COL18A1: variants seen among roughly 807,000 people sequenced by gnomAD.
COL18A1 encodes collagen alpha-1(XVIII) chain.
A neutral mutation model predicts 168.0 loss-of-function variants in COL18A1; 133 were observed. The observed-to-expected ratio is 0.79, with a 90% CI of 0.69 to 0.91. The LOEUF is 0.91. COL18A1 is among the 40% of genes least tolerant of loss of function. The pLI, the probability that COL18A1 is intolerant of heterozygous loss-of-function variation, is 0.00. For missense variants in COL18A1, 2,126 were observed against 1,925.4 expected, an observed-to-expected ratio of 1.10 and a Z score of -1.95; for synonymous variants, 949 against 809.0, an observed-to-expected ratio of 1.17 and a Z score of -2.94.
intron 25 of COL18A1, 123 bp downstream of exon 25, chr21:45,493,348 G>C (rs1255240651): frequency 7.7e-7 from 1 of 1,293,720 alleles, no homozygotes; most frequent in African/African-American, 1.5e-5. Flanking sequence ...CACGTGAGGG[G>C]TACATCCCTG....
Position 45,456,242 on chromosome 21 carries a change from A to C in COL18A1, c.107-12000A>C, listed in dbSNP as rs189589098. 1.3e-3 allele frequency: 2,014 copies of C among 1,596,098 alleles called. 13 individuals carry two copies. In the African/African-American group the frequency reaches 0.02, roughly 16 times the overall value. ...CTGGGGAAGCCTGCAGGACCCAGAC[A>C]GCCAAGGACTCTCGCCCGCCGCAGC... On this transcript the variant is annotated intron_variant, in intron 2 of 41. Transcript: ENST00000651438.
chr21:45,407,612 A>T (rs550142791), intron 2 of COL18A1: 1 of 152,426 alleles, frequency 6.6e-6, no homozygotes, highest in South Asian at 2.1e-4. Flanking sequence ...CTTCAGAGTC[A>T]GAGTGGAGCT....
intron 29 of COL18A1, chr21:45,495,699 TAC>T (rs943149141): frequency 4.4e-5 from 19 of 435,906 alleles, no homozygotes; most frequent in South Asian, 6.1e-5. Flanking sequence ...TACATGCCCA[TAC>T]ACACGCGCAC....
intron 2 of COL18A1, among the ~76,000 whole-genome samples, chr21:45,421,848 G>A (rs2033634073): frequency 6.6e-6 from 1 of 152,108 alleles, no homozygotes; most frequent in African/African-American, 2.4e-5. Context: ...GGGTCCCCCA[G>A]GGCCAGTTGC....
intron 2 of COL18A1, among the ~76,000 whole-genome samples, chr21:45,426,653 G>A (rs375785447): frequency 2.6e-5 from 4 of 152,214 alleles, no homozygotes; most frequent in South Asian, 4.1e-4. Flanking sequence ...GGACAGCAGC[G>A]ACACTGCATG....
chr21:45,479,962 A>G lies in COL18A1; in HGVS notation c.1309A>G (p.Lys437Glu), dbSNP rs757399158. The G allele has an allele frequency of 8.1e-6, 13 of 1,613,628 alleles. No individual in the cohort carries two copies. The East Asian group carries it at 1.8e-4, about 22-fold the overall frequency. ...TPGDVGPKGD[K>E]GDPGVGERGP... ...AGGGGACGTAGGTCCCAAGGGCGAC[A>G]AGGTGAGTCTCCGTGGCTGGGTGGG... The change falls in exon 10 of 42, where the codon AAG (lysine) becomes GAG (glutamate). Residue 437 changes from lysine to glutamate, a missense_variant and splice_region_variant. Physicochemically the swap from Lys to Glu is moderately conservative, Grantham distance 56 (BLOSUM62 1). Coordinates refer to ENST00000651438, the MANE Select transcript of COL18A1 (RefSeq NM_001379500.1).
At position 45,502,233 on chromosome 21, in the gene COL18A1, C is replaced by G. The variant is rs79301680; in HGVS notation, c.2684-1778C>G. Reference sequence around the variant, plus strand: ...CCCTGGGGGTGTGGAGCCACGTGCTCCAAAGCTTCTGGGTTACAGGGCATG... The same window carrying G: ...CCCTGGGGGTGTGGAGCCACGTGCTGCAAAGCTTCTGGGTTACAGGGCATG... On this transcript the variant is annotated intron_variant, in intron 32 of 41. Coordinates refer to ENST00000651438, the MANE Select transcript of COL18A1 (RefSeq NM_001379500.1). Among the ~76,000 whole-genome samples, 4 of 152,316 alleles carry G rather than the reference C, an allele frequency of 2.6e-5. No homozygotes were observed. In the East Asian group the frequency reaches 7.7e-4, roughly 29 times the overall value.
At chr21:45,509,991 G>T in intron 39 of COL18A1, 73 bp from the exon 40 acceptor site, 1 of 1,498,750 alleles carries the variant, frequency 6.7e-7, no homozygotes, top group Admixed American at 2.0e-5. Flanking sequence ...TGCGGGGCCG[G>T]GGTGGTGCGC....
At position 45,443,124 on chromosome 21, in the gene COL18A1, G is replaced by A. The variant is rs373129647; in HGVS notation, c.107-25118G>A. On this transcript the variant is annotated intron_variant, in intron 2 of 41. Transcript: ENST00000651438. This position sits in a 1 kb window ranked among gnomAD's most constrained non-coding sequence, Gnocchi z 5.2. ...CGGCGGTGCTGGTGTGGGCGGCGGT[G>A]CTGGTGTGGGCGGCGGTGCTGGTGT... 1.3e-5 allele frequency among the ~76,000 whole-genome samples: 1 copy of A among 77,912 alleles called. No individual in the cohort carries two copies. Among genetic ancestry groups the A allele is most frequent in the South Asian group, 4.0e-4 (1 of 2,494 alleles). 51.1% of individuals were successfully genotyped at this position (77,912 alleles called of 152,430 possible).
Position 45,480,812 on chromosome 21 carries a change from C to T in COL18A1, c.1565C>T (p.Pro522Leu), listed in dbSNP as rs1169343362. The T allele has an allele frequency of 3.7e-6, 6 of 1,612,040 alleles. No individual in the cohort carries two copies. The South Asian group carries it at 6.6e-5, about 18-fold the overall frequency. ...GACGTCCCAGGACCCGCCGGCCTTCCTGGTGTGCCTGGGCGCGAGGGTCCC... is the reference window on the plus strand; with the variant it reads ...GACGTCCCAGGACCCGCCGGCCTTCTTGGTGTGCCTGGGCGCGAGGGTCCC... ...SSDVPGPAGL[P>L]GVPGREGPPG... Residue 522 changes from proline to leucine, a missense_variant, in exon 13 of 42, where the codon CCT (proline) becomes CTT (leucine). Transcript: ENST00000651438.
chr21:45,453,267 G>A (rs752661593), intron 2 of COL18A1, among the ~76,000 whole-genome samples: 16 of 152,272 alleles, frequency 1.1e-4, no homozygotes, highest in East Asian at 3.9e-4. Flanking sequence ...TGTCTGGCAC[G>A]TACGCTTATA....
chr21:45,429,622 T>C (rs1231287881), intron 2 of COL18A1, among the ~76,000 whole-genome samples: 1 of 152,170 alleles, frequency 6.6e-6, no homozygotes. Context: ...TCTGAGCTAA[T>C]GAACATGCTC....
intron 31 of COL18A1, 96 bp downstream of exon 31, chr21:45,497,188 C>G (rs572528230): frequency 4.7e-6 from 4 of 857,292 alleles, no homozygotes; most frequent in South Asian, 2.7e-5. Context: ...GAGACTCCCC[C>G]AGTGGCCCAA....
rs111220539 is a variant in COL18A1, at chr21:45,437,690, A to G, written c.107-30552A>G. Among the ~76,000 whole-genome samples the G allele has an allele frequency of 2.1e-4, 12 of 56,382 alleles. 1 individual carries two copies. Among genetic ancestry groups the G allele is most frequent in the African/African-American group, 9.0e-4 (7 of 7,772 alleles). The allele number at this position is 56,382 out of a possible 152,430, so 37.0% of individuals were successfully genotyped here. A position where few individuals can be genotyped will look rare whatever the true frequency, so the allele number is the denominator to read the frequency against. On this transcript the variant is annotated intron_variant, in intron 2 of 41. Coordinates refer to ENST00000651438, the MANE Select transcript of COL18A1 (RefSeq NM_001379500.1). ...CTCAGACACACAGGCACTCTCCTGC[A>G]CACACACACACACACTCAGACACAC...
intron 2 of COL18A1, chr21:45,420,434 G>A (rs1016180956): frequency 1.3e-4 from 20 of 152,278 alleles, no homozygotes; most frequent in African/African-American, 4.6e-4. Context: ...GCGCCTTTGT[G>A]GGCGACCCTG....
In COL18A1 at chr21:45,428,592, G is replaced by A. The variant is rs74394602; in HGVS notation, c.106+23119G>A. On this transcript the variant is annotated intron_variant, in intron 2 of 41. Coordinates refer to ENST00000651438, the MANE Select transcript of COL18A1 (RefSeq NM_001379500.1). ...CTGCCCAACTCTAGAACATTCACAC[G>A]CCGGAGAGAGGGAGCCCTGGGCCAT... 6.4e-3 allele frequency among the ~76,000 whole-genome samples: 968 copies of A among 152,272 alleles called. 14 individuals carry two copies. Among genetic ancestry groups the A allele is most frequent in the African/African-American group, 0.022 (922 of 41,538 alleles).
At chr21:45,424,750 C>G (rs1012058649) in intron 2 of COL18A1, 12 of 152,318 alleles carry the variant, frequency 7.9e-5, no homozygotes, top group African/African-American at 2.9e-4. Context: ...TTGGCCCCCA[C>G]TGACCCTCCC....
intron 7 of COL18A1, 129 bp from the exon 8 acceptor site, chr21:45,477,621 A>C (rs2035724503): frequency 8.0e-7 from 1 of 1,254,808 alleles, no homozygotes; most frequent in Admixed American, 2.0e-5. Context: ...CGGTGCCAGC[A>C]TGCGTCCACC....
chr21:45,471,736 C>T lies in COL18A1; in HGVS notation c.652-2159C>T, dbSNP rs994383066. Among the ~76,000 whole-genome samples, 14 of 152,166 alleles carry T rather than the reference C, an allele frequency of 9.2e-5. No individual in the cohort carries two copies. The highest frequency in any genetic ancestry group is 3.4e-4 in the African/African-American group (14 of 41,428). ...TCATTTCCAGCTGTGTCCTGATTTC[C>T]AGCTGTGTCCTGATTTCCAGCTGTG... is the stretch of plus-strand genomic sequence containing the variant. On this transcript the variant is annotated intron_variant, in intron 3 of 41. Coordinates refer to ENST00000651438, the MANE Select transcript of COL18A1 (RefSeq NM_001379500.1). This position sits in a 1 kb window ranked among gnomAD's most constrained non-coding sequence, Gnocchi z 4.4.
Sources: gnomAD v4.1 joint callset for allele counts (sites outside exome capture counted in the v4.1 genomes callset) on GRCh38, gnomAD v4.1.1 for gene constraint, Gnocchi (gnomAD v3.1) non-coding constraint, MANE v1.5 for transcripts, NCBI Gene and HGNC (gene_info 2026-07-23, HGNC 2026-07-21) for gene names.